The following CUX1 variants were observed in gnomAD, a reference collection of about 807,000 sequenced individuals.
CUX1 encodes protein CASP.
CUX1 carries 31 observed loss-of-function variants against 158.8 expected under a neutral mutation model. The ratio of observed to expected loss-of-function variants is 0.20; its 90% CI spans 0.15 to 0.26. The LOEUF is 0.26. Ranked by LOEUF, CUX1 falls within the 10% of genes least tolerant of loss-of-function variation. CUX1 has a pLI of 1.00. For synonymous variants in CUX1, 879 were observed against 862.1 expected (o/e 1.02, Z -0.34); for missense variants, 1,589 against 2,014.6 (o/e 0.79, Z 4.04).
At chr7:102,145,814 G>A (rs1472649042) in intron 8 of CUX1, among the ~76,000 whole-genome samples, 2 of 152,172 alleles carry the variant, frequency 1.3e-5, no homozygotes, top group African/African-American at 4.8e-5. Context: ...GGGCATGGTG[G>A]CAGGCTCCTG....
intron 2 of CUX1, among the ~76,000 whole-genome samples, chr7:101,993,512 T>C (rs1486413417): frequency 1.3e-5 from 2 of 152,158 alleles, no homozygotes; most frequent in African/African-American, 2.4e-5. Context: ...ACTTACCTTT[T>C]CATTTCATAG....
At position 101,946,919 on chromosome 7, in the gene CUX1, G is replaced by A. The variant is rs200874255; in HGVS notation, c.141+30694G>A. 9.9e-5 allele frequency among the ~76,000 whole-genome samples: 15 copies of A among 152,214 alleles called. No individual in the cohort carries two copies. The East Asian group carries it at 1.5e-3, about 16-fold the overall frequency. On this transcript the variant is annotated intron_variant, in intron 2 of 23. Coordinates refer to ENST00000292535, the MANE Select transcript of CUX1 (RefSeq NM_181552.4). ...GTGGCACCCCTGAACCAGTCTCTCCGTGAGCTCGGCGGTGAGAAAACAGTG... is the reference window on the plus strand; with the variant it reads ...GTGGCACCCCTGAACCAGTCTCTCCATGAGCTCGGCGGTGAGAAAACAGTG...
At chr7:101,937,492 A>G (rs1211074778) in intron 2 of CUX1, among the ~76,000 whole-genome samples, 1 of 151,786 alleles carries the variant, frequency 6.6e-6, no homozygotes, top group Non-Finnish European at 1.5e-5. Context: ...GGGAAAAGGG[A>G]TAAATCAAAA....
At chr7:102,204,167 C>A (rs1412443798) in intron 18 of CUX1, among the ~76,000 whole-genome samples, 5 of 152,244 alleles carry the variant, frequency 3.3e-5, no homozygotes, top group African/African-American at 1.2e-4. Context: ...GTGGCTGTAA[C>A]CATGGCTCAC....
intron 3 of CUX1, among the ~76,000 whole-genome samples, chr7:102,042,723 C>G (rs1822261735): frequency 6.6e-6 from 1 of 151,902 alleles, no homozygotes; most frequent in African/African-American, 2.4e-5. Context: ...TTTTTTTATC[C>G]TCAGCTCTAT....
At chr7:101,840,534 T>C (rs1584723110) in intron 1 of CUX1, among the ~76,000 whole-genome samples, 1 of 152,234 alleles carries the variant, frequency 6.6e-6, no homozygotes, top group Admixed American at 6.5e-5. Context: ...GTAAATTACA[T>C]TGATTGACTA....
In CUX1 at chr7:102,054,085, G is replaced by A. The variant is rs148438259; in HGVS notation, c.190-16254G>A. Reference sequence around the variant, plus strand: ...AGCCTCCCAAAGTGCTGGGATTACAGGTGTAAGCCACTGCACCCAGCCTCT... The same window carrying A: ...AGCCTCCCAAAGTGCTGGGATTACAAGTGTAAGCCACTGCACCCAGCCTCT... On this transcript the variant is annotated intron_variant, in intron 3 of 23. Coordinates refer to ENST00000292535, the MANE Select transcript of CUX1 (RefSeq NM_181552.4). Among the ~76,000 whole-genome samples, 946 of 152,196 alleles carry A rather than the reference G, an allele frequency of 6.2e-3. 4 individuals carry two copies. Among genetic ancestry groups the A allele is most frequent in the Non-Finnish European group, 0.01 (690 of 68,014 alleles).
At chr7:102,066,747 C>T (rs1825593674) in intron 3 of CUX1, among the ~76,000 whole-genome samples, 1 of 152,300 alleles carries the variant, frequency 6.6e-6, no homozygotes, top group Non-Finnish European at 1.5e-5. Flanking sequence ...CCCCAGGTTG[C>T]GTTCCAATTC....
chr7:102,244,699 A>G (rs1800618799), intron 23 of CUX1, among the ~76,000 whole-genome samples: 1 of 152,066 alleles, frequency 6.6e-6, no homozygotes, highest in Non-Finnish European at 1.5e-5. Flanking sequence ...CCCAGCAAAA[A>G]AAAACATATC....
intron 12 of CUX1, among the ~76,000 whole-genome samples, chr7:102,193,375 T>C (rs570698052): frequency 6.6e-6 from 1 of 152,368 alleles, no homozygotes; most frequent in South Asian, 2.1e-4. Context: ...AGCCAACTGC[T>C]AGTTGAATAG....
chr7:102,010,396 CA>C (rs35965710), intron 2 of CUX1, among the ~76,000 whole-genome samples: 30,924 of 90,170 alleles, frequency 0.34, 3,277 homozygotes, highest in Middle Eastern at 0.42. Flanking sequence ...GACTCTGTCT[CA>C]AAAAAAAAAA....
chr7:101,946,772 C>T (rs1563047026), intron 2 of CUX1, among the ~76,000 whole-genome samples: 1 of 152,070 alleles, frequency 6.6e-6, no homozygotes, highest in Non-Finnish European at 1.5e-5. Flanking sequence ...AAGATGAAAG[C>T]CACAGGAGGC....
chr7:102,026,818 TAAAA>T (rs10533217), intron 2 of CUX1, among the ~76,000 whole-genome samples: 30 of 96,310 alleles, frequency 3.1e-4, no homozygotes, highest in African/African-American at 5.3e-4. Flanking sequence ...ACTCCGTCTT[TAAAA>T]AAAAAAAAAA....
chr7:102,040,369 G>C (rs906961437), intron 3 of CUX1, among the ~76,000 whole-genome samples: 2 of 152,170 alleles, frequency 1.3e-5, no homozygotes, highest in African/African-American at 4.8e-5. Flanking sequence ...GTGAGTGCCA[G>C]GGCTCTGCAG....
At chr7:102,017,603 C>A (rs192990967) in intron 2 of CUX1, among the ~76,000 whole-genome samples, 15 of 151,904 alleles carry the variant, frequency 9.9e-5, no homozygotes, top group Non-Finnish European at 1.9e-4. Context: ...CCCAGCGCTT[C>A]GGTAGGCCGA....
At chr7:101,847,347 G>A (rs548573195) in intron 1 of CUX1, among the ~76,000 whole-genome samples, 1 of 152,260 alleles carries the variant, frequency 6.6e-6, no homozygotes, top group African/African-American at 2.4e-5. Flanking sequence ...TGGGGTTTTG[G>A]AGATGACCCA....
chr7:102,138,664 G>A (rs186553051), intron 8 of CUX1, among the ~76,000 whole-genome samples: 3 of 152,136 alleles, frequency 2.0e-5, no homozygotes, highest in East Asian at 1.9e-4. Flanking sequence ...AATGAGACCC[G>A]ATCTTTTATA....
rs782527963 is a variant in CUX1, at chr7:102,256,604, G to C, written c.*7562G>C. 114 of 985,250 alleles carry C rather than the reference G, an allele frequency of 1.2e-4. No individual in the cohort carries two copies. Among genetic ancestry groups the C allele is most frequent in the Non-Finnish European group, 8.9e-5 (74 of 829,936 alleles). The allele number at this position is 985,250 out of a possible 1,614,324, so 61.0% of individuals were successfully genotyped here. On this transcript the variant is annotated 3_prime_UTR_variant, in exon 24 of 24. Transcript: ENST00000292535. Reference sequence around the variant, plus strand: ...TATGTGTCTAACTTTTTAAATGAGAGTGTTTATGAACAAAAAAATTTACCA... The same window carrying C: ...TATGTGTCTAACTTTTTAAATGAGACTGTTTATGAACAAAAAAATTTACCA...
Position 102,280,808 on chromosome 7 carries a change from G to C in CUX1, c.1769G>C (p.Arg590Pro), listed in dbSNP as rs782570785. 2.5e-6 allele frequency: 4 copies of C among 1,612,908 alleles called. No homozygotes were observed. The African/African-American group carries it at 5.3e-5, about 22-fold the overall frequency. Residue 590 changes from arginine to proline, a missense_variant, in exon 20 of 23, where the codon CGG becomes CCG. Transcript: ENST00000292538. ...TGACTGTCCCTCCCTGTGCAGGAGC[G>C]GCAGAGGAAGTACCTGAGCTTGAGT...
Sources: gnomAD v4.1 joint callset for allele counts (sites outside exome capture counted in the v4.1 genomes callset) on GRCh38, gnomAD v4.1.1 for gene constraint, MANE v1.5 for transcripts, NCBI Gene and HGNC (gene_info 2026-07-23, HGNC 2026-07-21) for gene names.